ATP8B4: variants seen among roughly 807,000 people sequenced by gnomAD.
The protein encoded by ATP8B4 is probable phospholipid-transporting ATPase IM.
Under a neutral mutation model 145.6 loss-of-function variants are expected in ATP8B4, and 133 were observed. The ratio of observed to expected loss-of-function variants is 0.91; its 90% CI spans 0.79 to 1.05. The LOEUF is 1.05. Ranked by LOEUF, ATP8B4 falls within the 50% of genes least tolerant of loss-of-function variation. The pLI, the probability that ATP8B4 is intolerant of heterozygous loss-of-function variation, is 0.00. For synonymous variants in ATP8B4, 507 were observed against 492.9 expected, an observed-to-expected ratio of 1.03 and a Z score of -0.38; for missense variants, 1,458 against 1,425.2, an observed-to-expected ratio of 1.02 and a Z score of -0.37.
chr15:49,916,150 T>C (rs757172698), intron 20 of ATP8B4, among the ~76,000 whole-genome samples: 4 of 152,124 alleles, frequency 2.6e-5, no homozygotes, highest in Non-Finnish European at 4.4e-5. Context: ...TATAAGACAG[T>C]ATTTTTTAAG....
chr15:50,079,129 C>A (rs2054378485), intron 2 of ATP8B4, among the ~76,000 whole-genome samples: 1 of 152,026 alleles, frequency 6.6e-6, no homozygotes, highest in South Asian at 2.1e-4. Flanking sequence ...GATGGATACC[C>A]CATTTTACAT....
At chr15:50,094,396 T>C (rs1485937324) in intron 2 of ATP8B4, among the ~76,000 whole-genome samples, 1 of 152,032 alleles carries the variant, frequency 6.6e-6, no homozygotes, top group East Asian at 1.9e-4. Flanking sequence ...GTCTCCTGGG[T>C]CTCCAGTTTG....
intron 9 of ATP8B4, among the ~76,000 whole-genome samples, chr15:49,989,998 A>G (rs936435004): frequency 2.0e-5 from 3 of 152,160 alleles, no homozygotes; most frequent in African/African-American, 7.2e-5. Flanking sequence ...AAGAGATGAG[A>G]TGGATATTAG....
At chr15:50,052,991 G>T (rs2052308111) in intron 3 of ATP8B4, among the ~76,000 whole-genome samples, 2 of 152,120 alleles carry the variant, frequency 1.3e-5, no homozygotes, top group Non-Finnish European at 2.9e-5. Context: ...ACAAATCAGT[G>T]GTAACACAAG....
At chr15:49,898,542 T>A (rs563348995) in intron 21 of ATP8B4, among the ~76,000 whole-genome samples, 44 of 152,070 alleles carry the variant, frequency 2.9e-4, no homozygotes, top group African/African-American at 1.0e-3. Context: ...AGAGAGAGAG[T>A]TAAATGCTGG....
intron 1 of ATP8B4, among the ~76,000 whole-genome samples, chr15:50,145,839 T>C (rs2044268972): frequency 6.6e-6 from 1 of 152,112 alleles, no homozygotes; most frequent in Non-Finnish European, 1.5e-5. Context: ...TCAGAAGATA[T>C]ATGAATATGT....
At chr15:50,032,020 C>T (rs1192831579) in intron 6 of ATP8B4, among the ~76,000 whole-genome samples, 1 of 152,136 alleles carries the variant, frequency 6.6e-6, no homozygotes, top group Non-Finnish European at 1.5e-5. Context: ...TTTGATTCAA[C>T]AAATATTTAT....
chr15:50,172,291 C>T (rs549424169), intron 1 of ATP8B4, among the ~76,000 whole-genome samples: 9 of 152,348 alleles, frequency 5.9e-5, no homozygotes, highest in South Asian at 2.1e-4. Context: ...TGCAGGCGTG[C>T]GCCGCCACGC....
chr15:50,025,000 T>C (rs2049895717), intron 6 of ATP8B4, among the ~76,000 whole-genome samples: 2 of 152,198 alleles, frequency 1.3e-5, no homozygotes, highest in Admixed American at 6.5e-5. Flanking sequence ...TGCCCCATAT[T>C]AGTTACAGGG....
At chr15:50,162,553 C>G (rs2044536625) in intron 1 of ATP8B4, among the ~76,000 whole-genome samples, 2 of 152,078 alleles carry the variant, frequency 1.3e-5, no homozygotes, top group Non-Finnish European at 2.9e-5. Flanking sequence ...GTCGCCCAGG[C>G]TGGAGTGCAG....
chr15:49,998,279 G>A (rs2047590892), intron 8 of ATP8B4, among the ~76,000 whole-genome samples: 1 of 152,124 alleles, frequency 6.6e-6, no homozygotes, highest in African/African-American at 2.4e-5. Flanking sequence ...TGAGTCAAAT[G>A]GTATTTCTAG....
chr15:49,968,354 C>T (rs1241223125), intron 13 of ATP8B4, among the ~76,000 whole-genome samples: 1 of 152,174 alleles, frequency 6.6e-6, no homozygotes, highest in Non-Finnish European at 1.5e-5. Context: ...TCAAGACCCA[C>T]TGGTGTGCTG....
intron 6 of ATP8B4, among the ~76,000 whole-genome samples, chr15:50,032,707 A>G (rs1016643601): frequency 4.6e-5 from 7 of 152,218 alleles, no homozygotes; most frequent in Non-Finnish European, 8.8e-5. Flanking sequence ...GCCCCTAAAA[A>G]TCGTATGTAT....
chr15:49,958,261 A>C (rs910907812), intron 14 of ATP8B4, among the ~76,000 whole-genome samples: 1 of 151,604 alleles, frequency 6.6e-6, no homozygotes, highest in Non-Finnish European at 1.5e-5. Context: ...TATATGTAAT[A>C]AAACTAAAGC....
intron 7 of ATP8B4, chr15:50,009,648 C>A: frequency 2.2e-6 from 1 of 454,446 alleles, no homozygotes. Context: ...ACACCACCTT[C>A]CAGGGTATTA....
At chr15:50,165,969 G>A (rs201932822) in intron 1 of ATP8B4, among the ~76,000 whole-genome samples, 1 of 38,354 alleles carries the variant, frequency 2.6e-5, no homozygotes, top group South Asian at 8.0e-4. Context: ...GAATCCCAGA[G>A]AACACACACA....
At chr15:49,933,900 C>G in intron 15 of ATP8B4, 117 bp downstream of exon 15, 9 of 1,167,980 alleles carry the variant, frequency 7.7e-6, no homozygotes, top group Non-Finnish European at 1.0e-5. Context: ...AAAACAAAAA[C>G]AAAAAACAAG....
chr15:49,866,754 T>A (rs769223923), intron 25 of ATP8B4, among the ~76,000 whole-genome samples: 9 of 152,244 alleles, frequency 5.9e-5, no homozygotes, highest in Non-Finnish European at 1.2e-4. Context: ...ATGTTAAACA[T>A]GTTAAACTTC....
chr15:50,073,053 C>A (rs2053953210), intron 3 of ATP8B4, among the ~76,000 whole-genome samples: 1 of 121,968 alleles, frequency 8.2e-6, no homozygotes, highest in Non-Finnish European at 1.7e-5. Flanking sequence ...CACACACACA[C>A]TATACATATA....
Sources: allele counts gnomAD v4.1 joint callset (sites outside exome capture counted in the v4.1 genomes callset), GRCh38; gene constraint gnomAD v4.1.1; transcripts MANE v1.5; gene names NCBI Gene and HGNC (gene_info 2026-07-23, HGNC 2026-07-21).